The following NUBPL variants were observed in gnomAD, a reference collection of about 807,000 sequenced individuals.
The protein encoded by NUBPL is NUBP iron-sulfur cluster assembly factor, mitochondrial.
NUBPL carries 31 observed loss-of-function variants against 45.7 expected under a neutral mutation model. The observed-to-expected ratio is 0.68, with a 90% CI of 0.51 to 0.92. NUBPL has a LOEUF of 0.92. NUBPL is among the 40% of genes least tolerant of loss of function. NUBPL has a pLI of 0.00. For missense variants in NUBPL, 401 were observed against 398.7 expected (o/e 1.01, Z -0.05); for synonymous variants, 144 against 140.9 (o/e 1.02, Z -0.15).
intron 4 of NUBPL, among the ~76,000 whole-genome samples, chr14:31,641,688 A>G (rs985782741): frequency 6.6e-6 from 1 of 152,216 alleles, no homozygotes; most frequent in Admixed American, 6.5e-5. Flanking sequence ...TATTTTGGAT[A>G]TATACCCAGC....
At chr14:31,693,886 C>T (rs1474251470) in intron 6 of NUBPL, among the ~76,000 whole-genome samples, 23 of 125,412 alleles carry the variant, frequency 1.8e-4, no homozygotes, top group Non-Finnish European at 2.2e-4. Context: ...GACGGAGTCT[C>T]GCTCTGTTGC....
chr14:31,775,072 T>C (rs751710360), intron 6 of NUBPL, among the ~76,000 whole-genome samples: 3 of 152,202 alleles, frequency 2.0e-5, no homozygotes, highest in Non-Finnish European at 2.9e-5. Context: ...AGAAAACAAC[T>C]ATCTCAATAT....
At chr14:31,734,684 G>A (rs369228425) in intron 6 of NUBPL, among the ~76,000 whole-genome samples, 208 of 151,988 alleles carry the variant, frequency 1.4e-3, no homozygotes, top group Middle Eastern at 6.8e-3. Flanking sequence ...ATAAATATAC[G>A]TGTCTATGAG....
chr14:31,626,138 C>A (rs995538293), intron 4 of NUBPL, among the ~76,000 whole-genome samples: 2 of 151,336 alleles, frequency 1.3e-5, no homozygotes, highest in Non-Finnish European at 2.9e-5. Context: ...CCAAAGTAGC[C>A]ATTTACCTTT....
intron 9 of NUBPL, among the ~76,000 whole-genome samples, chr14:31,848,926 T>A (rs2040495718): frequency 1.3e-5 from 2 of 152,226 alleles, no homozygotes; most frequent in Admixed American, 6.5e-5. Context: ...GAAAAAAATT[T>A]CATTTCTAAG....
intron 10 of NUBPL, 76 bp downstream of exon 10, chr14:31,850,277 T>TG: frequency 8.6e-7 from 1 of 1,166,354 alleles, no homozygotes; most frequent in South Asian, 1.3e-5. Context: ...GTTGGGAAGA[T>TG]TAAGCGTTTA....
chr14:31,606,273 G>A lies in NUBPL; in HGVS notation c.382+6894G>A, dbSNP rs1255082666. 3.3e-5 allele frequency among the ~76,000 whole-genome samples: 5 copies of A among 151,418 alleles called. No homozygotes were observed. In the East Asian group the frequency reaches 7.8e-4, roughly 24 times the overall value. On this transcript the variant is annotated intron_variant, in intron 4 of 10. Coordinates refer to ENST00000281081, the MANE Select transcript of NUBPL (RefSeq NM_025152.3). ...CATACTGGCTAATTTTTAATTTTTT[G>A]TAGAGCTGGGGTCTCACTGTGTTGC...
intron 3 of NUBPL, among the ~76,000 whole-genome samples, chr14:31,569,535 A>C (rs2033525533): frequency 6.6e-6 from 1 of 152,186 alleles, no homozygotes; most frequent in Non-Finnish European, 1.5e-5. Context: ...AATAGGGTGT[A>C]GATTTTTCCT....
intron 6 of NUBPL, among the ~76,000 whole-genome samples, chr14:31,736,634 G>A (rs376497932): frequency 6.6e-6 from 1 of 151,936 alleles, no homozygotes; most frequent in South Asian, 2.1e-4. Context: ...TCTAACTTGG[G>A]GCTATTATGA....
At chr14:31,583,522 C>G (rs2139502319) in intron 3 of NUBPL, among the ~76,000 whole-genome samples, 1 of 152,322 alleles carries the variant, frequency 6.6e-6, no homozygotes, top group Non-Finnish European at 1.5e-5. Flanking sequence ...TAACAGGATA[C>G]TGATCCTAAT....
chr14:31,565,008 T>G lies in NUBPL; in HGVS notation c.257-6T>G. 1 of 1,528,386 alleles carries G rather than the reference T, an allele frequency of 6.5e-7. No homozygotes were observed. The allele number at this position is 1,528,386 out of a possible 1,614,324, so 94.7% of individuals were successfully genotyped here. Reference sequence around the variant, plus strand: ...TAAATTCAATTACTTTTTTTGTTTCTTACAGTGAATCTTGCACTTGCACTA... The same window carrying G: ...TAAATTCAATTACTTTTTTTGTTTCGTACAGTGAATCTTGCACTTGCACTA... On this transcript the variant is annotated splice_region_variant and splice_polypyrimidine_tract_variant and intron_variant, in intron 2 of 10. Coordinates refer to ENST00000281081, the MANE Select transcript of NUBPL (RefSeq NM_025152.3).
At chr14:31,794,064 C>A (rs1595636466) in intron 7 of NUBPL, among the ~76,000 whole-genome samples, 2 of 69,764 alleles carry the variant, frequency 2.9e-5, no homozygotes, top group East Asian at 4.4e-4. Flanking sequence ...ATGAACTCAT[C>A]ATTTTTTATG....
At chr14:31,793,323 A>G (rs1398423150) in intron 7 of NUBPL, among the ~76,000 whole-genome samples, 2 of 152,114 alleles carry the variant, frequency 1.3e-5, no homozygotes, top group Admixed American at 1.3e-4. Context: ...CCAGTCAGTG[A>G]GTACTCAAAT....
chr14:31,848,355 C>CTT (rs1356978230), intron 9 of NUBPL, among the ~76,000 whole-genome samples: 2 of 152,186 alleles, frequency 1.3e-5, no homozygotes, highest in African/African-American at 4.8e-5. Flanking sequence ...AGGGAAAAAG[C>CTT]TTTCACAGCT....
chr14:31,779,148 C>T (rs146384600), intron 6 of NUBPL, among the ~76,000 whole-genome samples: 2,234 of 151,846 alleles, frequency 0.015, 26 homozygotes, highest in Middle Eastern at 0.058. Context: ...TTGAGACCAG[C>T]CTGACCAACA....
intron 3 of NUBPL, among the ~76,000 whole-genome samples, chr14:31,590,040 C>T (rs1420502353): frequency 6.6e-6 from 1 of 152,096 alleles, no homozygotes; most frequent in Middle Eastern, 3.2e-3. Context: ...CCTTAGTTTC[C>T]CTTTATGTGT....
intron 4 of NUBPL, among the ~76,000 whole-genome samples, chr14:31,638,002 T>A (rs1184049607): frequency 2.0e-5 from 3 of 152,212 alleles, no homozygotes; most frequent in Non-Finnish European, 2.9e-5. Flanking sequence ...GAGATGGATT[T>A]CCTGAATACA....
At chr14:31,773,306 C>T (rs893246639) in intron 6 of NUBPL, among the ~76,000 whole-genome samples, 17 of 152,116 alleles carry the variant, frequency 1.1e-4, no homozygotes, top group African/African-American at 2.2e-4. Flanking sequence ...AGGTGCCTCA[C>T]ATGGCAAAAA....
chr14:31,838,004 G>A (rs1205410975), intron 8 of NUBPL, among the ~76,000 whole-genome samples: 1 of 151,938 alleles, frequency 6.6e-6, no homozygotes, highest in East Asian at 1.9e-4. Context: ...TTTACTTTTG[G>A]CAAACTTTAA....
Sources: allele counts gnomAD v4.1 joint callset (sites outside exome capture counted in the v4.1 genomes callset), GRCh38; gene constraint gnomAD v4.1.1; transcripts MANE v1.5; gene names NCBI Gene and HGNC (gene_info 2026-07-23, HGNC 2026-07-21).